The following COQ10B variants were observed in gnomAD, a reference collection of about 807,000 sequenced individuals.
COQ10B encodes coenzyme Q10B.
In COQ10B, 12 loss-of-function variants were observed where a neutral mutation model predicts 27.6. The ratio of observed to expected loss-of-function variants is 0.43; its 90% CI spans 0.28 to 0.70. COQ10B has a LOEUF of 0.70. Ranked by LOEUF, COQ10B falls within the 30% of genes least tolerant of loss-of-function variation. The probability of loss-of-function intolerance (pLI) is 0.17; values close to 1 mark genes in which losing one functional copy is unlikely to be tolerated. For missense variants in COQ10B, 278 were observed against 288.7 expected (o/e 0.96, Z 0.27); for synonymous variants, 115 against 103.0 (o/e 1.12, Z -0.71).
chr2:197,466,364 C>G (rs2085824870), intron 3 of COQ10B, among the ~76,000 whole-genome samples: 1 of 152,178 alleles, frequency 6.6e-6, no homozygotes, highest in African/African-American at 2.4e-5. Flanking sequence ...GTCATTTTCT[C>G]TCTTTCCTTT....
intron 1 of COQ10B, among the ~76,000 whole-genome samples, chr2:197,459,443 G>C (rs1396187842): frequency 6.6e-6 from 1 of 152,126 alleles, no homozygotes; most frequent in African/African-American, 2.4e-5. Context: ...TGGGATTACA[G>C]GTTTGAGCCA....
At chr2:197,463,240 A>C (rs190274059) in intron 3 of COQ10B, among the ~76,000 whole-genome samples, 98 of 152,196 alleles carry the variant, frequency 6.4e-4, no homozygotes, top group Admixed American at 6.3e-3. Flanking sequence ...TTGGGAGGCC[A>C]AGGCGAGCGG....
At chr2:197,463,257 A>T (rs1473199356) in intron 3 of COQ10B, among the ~76,000 whole-genome samples, 2 of 151,444 alleles carry the variant, frequency 1.3e-5, no homozygotes, top group East Asian at 3.9e-4. Context: ...GCGGATTACG[A>T]GGTCAGGAGT....
At position 197,474,661 on chromosome 2, in the gene COQ10B, G is replaced by T. The variant is rs1256078356; in HGVS notation, c.*737G>T. 2 of 152,314 alleles carry T rather than the reference G, an allele frequency of 1.3e-5. No homozygotes were observed. The highest frequency in any genetic ancestry group is 4.8e-5 in the African/African-American group (2 of 41,444). 9.4% of individuals were successfully genotyped at this position (152,314 alleles called of 1,614,324 possible). On this transcript the variant is annotated 3_prime_UTR_variant, in exon 5 of 5. Transcript: ENST00000263960. Reference sequence around the variant, plus strand: ...AGATCGCCCTGCTGCACTCCAGCCTGGGCAACAGAGGGAGACTCTGTCTCC... The same window carrying T: ...AGATCGCCCTGCTGCACTCCAGCCTTGGCAACAGAGGGAGACTCTGTCTCC...
intron 3 of COQ10B, among the ~76,000 whole-genome samples, chr2:197,466,552 G>A (rs2085826514): frequency 2.6e-5 from 4 of 152,156 alleles, no homozygotes; most frequent in Admixed American, 2.6e-4. Context: ...ATAATGATGG[G>A]AGTCATGAAG....
chr2:197,473,323 T>A (rs1022671965), intron 4 of COQ10B, among the ~76,000 whole-genome samples: 2 of 145,796 alleles, frequency 1.4e-5, no homozygotes, highest in Non-Finnish European at 3.0e-5. Context: ...GAGGCTGAAG[T>A]GGGCAGAATT....
At chr2:197,454,532 A>C (rs1559289921) in intron 1 of COQ10B, among the ~76,000 whole-genome samples, 1 of 152,102 alleles carries the variant, frequency 6.6e-6, no homozygotes, top group East Asian at 1.9e-4. Context: ...AAACACCAAC[A>C]ACCTTACCAA....
intron 3 of COQ10B, among the ~76,000 whole-genome samples, chr2:197,468,375 G>A (rs1228917022): frequency 6.7e-6 from 1 of 150,036 alleles, no homozygotes; most frequent in East Asian, 2.0e-4. Context: ...TCCAGGAGGC[G>A]GAGCTTGCAG....
At position 197,472,800 on chromosome 2, in the gene COQ10B, CA is replaced by C. The variant is rs34942079; in HGVS notation, c.550-936del. ...TGGGCGACAGAGCAAGGCTCCATCT[CA>C]AAAAAAAAAAAAAAAAAAAAGAAAG... On this transcript the variant is annotated intron_variant, in intron 4 of 4. Coordinates refer to ENST00000263960, the MANE Select transcript of COQ10B (RefSeq NM_025147.5). Among the ~76,000 whole-genome samples the C allele has an allele frequency of 4.4e-4, 42 of 96,056 alleles. 1 individual carries two copies. Among genetic ancestry groups the C allele is most frequent in the East Asian group, 2.4e-3 (7 of 2,936 alleles). The allele number at this position is 96,056 out of a possible 152,430, so 63.0% of individuals were successfully genotyped here.
chr2:197,453,664 G>A lies in COQ10B; in HGVS notation c.104G>A (p.Arg35Lys). The A allele has an allele frequency of 6.2e-7, 1 of 1,612,602 alleles. No individual in the cohort carries two copies. Among genetic ancestry groups the A allele is most frequent in the South Asian group, 1.1e-5 (1 of 91,042 alleles). Residue 35 changes from arginine to lysine, a missense_variant and splice_region_variant, in exon 1 of 5, where the codon AGA (arginine) becomes AAA (lysine). Around this residue, in one of 3 missense-constraint regions of COQ10B, gnomAD observed 183 missense variants for 158.2 expected, o/e 1.16. Transcript: ENST00000263960. Reference sequence around the variant, plus strand: ...GCGCAGGCGCCCGTGCGGAATGGCAGGTAATCAACAGCGGGGGCGCTGAGA... The same window carrying A: ...GCGCAGGCGCCCGTGCGGAATGGCAAGTAATCAACAGCGGGGGCGCTGAGA... The part of the protein sequence containing the change: ...AGAQAPVRNG[R>K]YLASCGILMS...
intron 1 of COQ10B, among the ~76,000 whole-genome samples, chr2:197,458,926 C>T (rs934389964): frequency 5.9e-5 from 9 of 152,166 alleles, no homozygotes; most frequent in African/African-American, 9.6e-5. Context: ...GTGATCCACC[C>T]GCCTCGGCCT....
intron 1 of COQ10B, among the ~76,000 whole-genome samples, chr2:197,458,012 A>G (rs2085717763): frequency 6.6e-6 from 1 of 152,018 alleles, no homozygotes; most frequent in Non-Finnish European, 1.5e-5. Context: ...AGTGTGTTCA[A>G]TTTTTATAAA....
At chr2:197,469,683 T>C (rs1453802328) in intron 3 of COQ10B, among the ~76,000 whole-genome samples, 1 of 152,192 alleles carries the variant, frequency 6.6e-6, no homozygotes, top group African/African-American at 2.4e-5. Context: ...ATAAAGTAGG[T>C]ATTATTTTAC....
intron 1 of COQ10B, among the ~76,000 whole-genome samples, chr2:197,457,246 C>T (rs1384262222): frequency 1.3e-5 from 2 of 152,096 alleles, no homozygotes; most frequent in South Asian, 2.1e-4. Context: ...ATGGCCTGGG[C>T]GTTGGGGATC....
Position 197,474,612 on chromosome 2 carries a change from G to C in COQ10B, c.*688G>C, listed in dbSNP as rs2085930054. On this transcript the variant is annotated 3_prime_UTR_variant, in exon 5 of 5. Transcript: ENST00000263960. ...GAGGCACAAGAATCGCTTGAACCCG[G>C]GAGGCGGAGGTTGCAGTTAGCCAAG... 6.6e-6 allele frequency: 1 copy of C among 152,276 alleles called. No individual in the cohort carries two copies. Among genetic ancestry groups the C allele is most frequent in the Non-Finnish European group, 1.5e-5 (1 of 68,054 alleles). 9.4% of individuals were successfully genotyped at this position (152,276 alleles called of 1,614,324 possible).
At chr2:197,463,749 A>G (rs1458472704) in intron 3 of COQ10B, among the ~76,000 whole-genome samples, 1 of 150,656 alleles carries the variant, frequency 6.6e-6, no homozygotes, top group Admixed American at 6.6e-5. Context: ...CCTGGCCAAC[A>G]TGGTGAAACA....
At chr2:197,472,181 A>G in intron 4 of COQ10B, among the ~76,000 whole-genome samples, 1 of 152,040 alleles carries the variant, frequency 6.6e-6, no homozygotes, top group East Asian at 1.9e-4. Flanking sequence ...TGAAAGATAA[A>G]CATTTTAATA....
chr2:197,459,943 C>T lies in COQ10B; in HGVS notation c.116C>T (p.Ser39Phe), dbSNP rs755051832. 9 of 1,591,370 alleles carry T rather than the reference C, an allele frequency of 5.7e-6. No homozygotes were observed. The East Asian group carries it at 2.1e-4, about 36-fold the overall frequency. ...TTTTGTCTTTTCAGATATTTAGCTT[C>T]CTGTGGTATACTGATGAGCAGAACT... ...APVRNGRYLA[S>F]CGILMSRTLP... The change falls in exon 2 of 5, where the codon TCC (serine) becomes TTC (phenylalanine). Residue 39 changes from serine (S) to phenylalanine (F), a missense_variant. Ser to Phe is a radical substitution (Grantham distance 155). Around this residue, in one of 3 missense-constraint regions of COQ10B, gnomAD observed 183 missense variants for 158.2 expected, o/e 1.16. Coordinates refer to ENST00000263960, the MANE Select transcript of COQ10B (RefSeq NM_025147.5).
intron 1 of COQ10B, among the ~76,000 whole-genome samples, chr2:197,456,314 A>T (rs1214985122): frequency 6.6e-6 from 1 of 151,180 alleles, no homozygotes; most frequent in African/African-American, 2.4e-5. Flanking sequence ...AAAATACAAA[A>T]ATTACCTGGG....
Sources: allele counts gnomAD v4.1 joint callset (sites outside exome capture counted in the v4.1 genomes callset), GRCh38; gene constraint gnomAD v4.1.1; regional missense constraint gnomAD v4.1.1; transcripts MANE v1.5; gene names NCBI Gene and HGNC (gene_info 2026-07-23, HGNC 2026-07-21).